SBF2: variants seen among roughly 807,000 people sequenced by gnomAD.
SBF2 encodes the protein SET binding factor 2.
In SBF2, 112 loss-of-function variants were observed where a neutral mutation model predicts 225.2. The ratio of observed to expected loss-of-function variants is 0.50; its 90% CI spans 0.43 to 0.58. The LOEUF is 0.58. Among genes scored for constraint, SBF2 ranks in the 20% least tolerant of loss-of-function variants. SBF2 has a pLI of 0.00. For missense variants in SBF2, 1,996 were observed against 2,206.2 expected (o/e 0.90, Z 1.91); for synonymous variants, 763 against 773.3 (o/e 0.99, Z 0.22).
chr11:10,269,129 T>A (rs1229339805), intron 1 of SBF2, among the ~76,000 whole-genome samples: 1 of 152,232 alleles, frequency 6.6e-6, no homozygotes, highest in African/African-American at 2.4e-5. Flanking sequence ...CTATTCAAAA[T>A]GTTCTTTTGG....
intron 1 of SBF2, among the ~76,000 whole-genome samples, chr11:10,254,332 T>G (rs1960653058): frequency 6.7e-6 from 1 of 150,252 alleles, no homozygotes; most frequent in Non-Finnish European, 1.5e-5. Context: ...AGGTCGAGAC[T>G]GCAGTGACAG....
At chr11:10,161,824 A>T (rs1193954674) in intron 2 of SBF2, among the ~76,000 whole-genome samples, 1 of 139,648 alleles carries the variant, frequency 7.2e-6, no homozygotes, top group Non-Finnish European at 1.6e-5. Context: ...AATAATAATT[A>T]AAAAATAAGG....
At chr11:9,888,622 T>C (rs1306128979) in intron 17 of SBF2, among the ~76,000 whole-genome samples, 2 of 152,040 alleles carry the variant, frequency 1.3e-5, no homozygotes, top group East Asian at 3.8e-4. Flanking sequence ...CTTAATGAAG[T>C]ATCCTTGCTG....
intron 2 of SBF2, among the ~76,000 whole-genome samples, chr11:10,103,048 C>G (rs141599311): frequency 1.3e-5 from 2 of 152,198 alleles, no homozygotes; most frequent in African/African-American, 4.8e-5. Context: ...AGAGAAGAAA[C>G]AGATTCAGTT....
rs182538857 is a variant in SBF2 at position 9,904,984 on chromosome 11, G to A, written c.1861-8973C>T. On this transcript the variant is annotated intron_variant, in intron 16 of 39. Coordinates refer to ENST00000256190, the MANE Select transcript of SBF2 (RefSeq NM_030962.4). ...CTACAGTGAGCCATGATTGTATCAC[G>A]TGGCCTTCCAGCCTGGGTGACAAAG... is the stretch of plus-strand genomic sequence containing the variant. Among the ~76,000 whole-genome samples, 250 of 152,308 alleles carry A rather than the reference G, an allele frequency of 1.6e-3. 1 individual carries two copies. Among genetic ancestry groups the A allele is most frequent in the Non-Finnish European group, 2.4e-3 (163 of 68,030 alleles).
At chr11:10,213,964 T>A (rs1272158935) in intron 1 of SBF2, among the ~76,000 whole-genome samples, 1 of 152,222 alleles carries the variant, frequency 6.6e-6, no homozygotes, top group Non-Finnish European at 1.5e-5. Flanking sequence ...CGATTTAGAC[T>A]ATGACAGTCC....
chr11:9,853,900 T>G (rs571277523), intron 19 of SBF2, among the ~76,000 whole-genome samples, 188 bp from the exon 20 acceptor site: 1 of 152,310 alleles, frequency 6.6e-6, no homozygotes, highest in Admixed American at 6.5e-5. Context: ...TAGTCTACAT[T>G]TGGAAACTAC....
chr11:10,130,084 C>T (rs1276986483), intron 2 of SBF2, among the ~76,000 whole-genome samples: 1 of 152,076 alleles, frequency 6.6e-6, no homozygotes, highest in East Asian at 1.9e-4. Context: ...TACACCTCGC[C>T]AGGCGCAGTG....
chr11:9,959,185 G>T (rs2134353208), intron 16 of SBF2: 6 of 799,808 alleles, frequency 7.5e-6, no homozygotes, highest in Admixed American at 1.7e-5. Flanking sequence ...TCCTTCACAG[G>T]GTCCGATTTG....
chr11:10,064,707 G>A (rs1005684054), intron 2 of SBF2, among the ~76,000 whole-genome samples: 1 of 152,004 alleles, frequency 6.6e-6, no homozygotes, highest in Non-Finnish European at 1.5e-5. Flanking sequence ...AATGATATAT[G>A]GGCCAATTAA....
At chr11:10,246,057 C>T (rs1394740941) in intron 1 of SBF2, among the ~76,000 whole-genome samples, 1 of 152,016 alleles carries the variant, frequency 6.6e-6, no homozygotes, top group Non-Finnish European at 1.5e-5. Context: ...ATCTATTGTC[C>T]GACATACTGC....
At chr11:10,011,289 C>A (rs759492075) in intron 6 of SBF2, among the ~76,000 whole-genome samples, 24 of 152,034 alleles carry the variant, frequency 1.6e-4, no homozygotes, top group Non-Finnish European at 2.8e-4. Flanking sequence ...TATAGTGGTG[C>A]GATCTTGGCT....
chr11:9,923,324 CA>C (rs1324900892), intron 16 of SBF2, among the ~76,000 whole-genome samples: 1 of 151,952 alleles, frequency 6.6e-6, no homozygotes, highest in African/African-American at 2.4e-5. Context: ...ACAACAACAA[CA>C]ACAACAACAA....
At chr11:9,880,322 T>C (rs1641205338) in intron 17 of SBF2, among the ~76,000 whole-genome samples, 2 of 152,188 alleles carry the variant, frequency 1.3e-5, no homozygotes, top group African/African-American at 4.8e-5. Flanking sequence ...CATTTTAAAC[T>C]GAAGAGGTTT....
At chr11:9,783,632 A>G (rs1419445231) in intron 38 of SBF2, among the ~76,000 whole-genome samples, 1 of 152,214 alleles carries the variant, frequency 6.6e-6, no homozygotes, top group African/African-American at 2.4e-5. Flanking sequence ...AGTAAAGACT[A>G]TGATGCTAAG....
intron 16 of SBF2, among the ~76,000 whole-genome samples, chr11:9,915,972 G>A (rs563717826): frequency 1.3e-5 from 2 of 152,300 alleles, no homozygotes; most frequent in Admixed American, 6.5e-5. Flanking sequence ...GCTGAGACAG[G>A]AGAATCGCTT....
At chr11:9,812,743 AG>A in intron 29 of SBF2, 35 bp from the exon 30 acceptor site, 3 of 1,606,834 alleles carry the variant, frequency 1.9e-6, no homozygotes, top group Non-Finnish European at 2.6e-6. Context: ...AGGCAGATGA[AG>A]TGCTATAGGT....
At chr11:10,082,409 G>C (rs558531786) in intron 2 of SBF2, among the ~76,000 whole-genome samples, 6 of 152,120 alleles carry the variant, frequency 3.9e-5, no homozygotes, top group Admixed American at 2.6e-4. Flanking sequence ...TCAAAGCACA[G>C]TAAATACACA....
intron 38 of SBF2, among the ~76,000 whole-genome samples, chr11:9,782,219 A>G (rs1852060084): frequency 6.6e-6 from 1 of 152,116 alleles, no homozygotes; most frequent in Non-Finnish European, 1.5e-5. Context: ...ACAACTGTAA[A>G]AAGTATATGT....
Sources: allele counts gnomAD v4.1 joint callset (sites outside exome capture counted in the v4.1 genomes callset), GRCh38; gene constraint gnomAD v4.1.1; transcripts MANE v1.5; gene names NCBI Gene and HGNC (gene_info 2026-07-23, HGNC 2026-07-21).